The following NBEA variants were observed in gnomAD, a reference collection of about 807,000 sequenced individuals.
NBEA encodes lysosomal-trafficking regulator 2.
A neutral mutation model predicts 343.4 loss-of-function variants in NBEA; 44 were observed. The observed-to-expected ratio is 0.13, with a 90% confidence interval of 0.10 to 0.16. The LOEUF is 0.16. Among genes scored for constraint, NBEA ranks in the 10% least tolerant of loss-of-function variants. The probability of loss-of-function intolerance (pLI) is 1.00; values close to 1 mark genes in which losing one functional copy is unlikely to be tolerated. For missense variants in NBEA, 2,555 were observed against 3,631.3 expected, an observed-to-expected ratio of 0.70 and a Z score of 7.62; for synonymous variants, 1,175 against 1,238.7, an observed-to-expected ratio of 0.95 and a Z score of 1.08.
Position 35,159,035 on chromosome 13 carries a change from A to G in NBEA, c.2864A>G (p.Lys955Arg). ...AHSKVTYEAH[K>R]EYLAKMYEEY... ...CCTAAGGTCACTTATGAAGCTCATA[A>G]GGAATACCTAGCCAAAATGTATGAG... Residue 955 changes from lysine to arginine, a missense_variant, in exon 22 of 59, where the codon AAG becomes AGG. Transcript: ENST00000379939. 1.2e-6 allele frequency: 2 copies of G among 1,604,558 alleles called. No individual in the cohort carries two copies. Among genetic ancestry groups the G allele is most frequent in the South Asian group, 2.2e-5 (2 of 89,262 alleles).
intron 13 of NBEA, among the ~76,000 whole-genome samples, chr13:35,111,193 A>G (rs1259901558): frequency 6.6e-6 from 1 of 152,188 alleles, no homozygotes; most frequent in African/African-American, 2.4e-5. Context: ...AAGCAACAAT[A>G]GTCTTTATTT....
chr13:35,115,850 A>G lies in NBEA; in HGVS notation c.2003-1564A>G, dbSNP rs200027574. On this transcript the variant is annotated intron_variant, in intron 13 of 58. Transcript: ENST00000379939. The stretch of plus-strand genomic sequence containing the variant: ...CTATTTAATCCTCACAAGATGTCCT[A>G]TGACAAGCAGTATTATTATTCTTAC... Among the ~76,000 whole-genome samples, 10 of 152,340 alleles carry G rather than the reference A, an allele frequency of 6.6e-5. No homozygotes were observed. In the East Asian group the frequency reaches 1.3e-3, roughly 21 times the overall value.
At chr13:35,669,731 C>T (rs1478821149) in intron 58 of NBEA, among the ~76,000 whole-genome samples, 1 of 152,146 alleles carries the variant, frequency 6.6e-6, no homozygotes, top group Non-Finnish European at 1.5e-5. Flanking sequence ...TTGCTGCCAT[C>T]ATCATAGGTT....
rs780703650 is a variant in NBEA at position 35,593,442 on chromosome 13, G to T, written c.7291G>T (p.Val2431Leu). The T allele has an allele frequency of 6.2e-7, 1 of 1,602,626 alleles. No individual in the cohort carries two copies. Among genetic ancestry groups the T allele is most frequent in the African/African-American group, 1.3e-5 (1 of 74,216 alleles). ...WRTSQRDTSDVKELIPEFYYL... is the reference protein window; with the variant it reads ...WRTSQRDTSDLKELIPEFYYL... ...AACTAGTCAGAGAGATACTTCTGAT[G>T]TAAAGGTAGGCTCTTTTATTTGTTG... Residue 2431 changes from valine (V) to leucine (L), a missense_variant, in exon 47 of 59, where the codon GTA becomes TTA. Physicochemically the swap from Val to Leu is conservative, Grantham distance 32. Coordinates refer to ENST00000379939, the MANE Select transcript of NBEA (RefSeq NM_001385012.1).
intron 34 of NBEA, among the ~76,000 whole-genome samples, chr13:35,257,824 A>T (rs549734431): frequency 6.6e-6 from 1 of 152,284 alleles, no homozygotes; most frequent in African/African-American, 2.4e-5. Context: ...AACAAAAATA[A>T]ATTTAATGAA....
chr13:35,475,346 G>T lies in NBEA; in HGVS notation c.6585+2810G>T, dbSNP rs537270007. The T allele has an allele frequency of 1.1e-5, 17 of 1,614,030 alleles. No homozygotes were observed. In the South Asian group the frequency reaches 1.9e-4, roughly 18 times the overall value. On this transcript the variant is annotated intron_variant, in intron 41 of 58. Transcript: ENST00000379939. ...TGGTAATTGTTCAAGGGCTGGCCCG[G>T]CAGTTCAAGGTGACGATCCCTTAAG...
At chr13:35,176,609 G>A (rs1014993247) in intron 27 of NBEA, among the ~76,000 whole-genome samples, 1 of 151,930 alleles carries the variant, frequency 6.6e-6, no homozygotes, top group Non-Finnish European at 1.5e-5. Context: ...TCATATACTA[G>A]TGTAGTATAA....
intron 1 of NBEA, among the ~76,000 whole-genome samples, chr13:34,961,201 A>C (rs1408457701): frequency 6.6e-6 from 1 of 152,110 alleles, no homozygotes; most frequent in East Asian, 1.9e-4. Flanking sequence ...ATAAAATTTA[A>C]TAATTAGATG....
chr13:34,958,696 A>T (rs1194824600), intron 1 of NBEA, among the ~76,000 whole-genome samples: 2 of 152,132 alleles, frequency 1.3e-5, no homozygotes, highest in Non-Finnish European at 2.9e-5. Flanking sequence ...AAAATGAATA[A>T]GAGAAAAGGT....
At chr13:35,099,556 G>A in intron 11 of NBEA, among the ~76,000 whole-genome samples, 1 of 152,108 alleles carries the variant, frequency 6.6e-6, no homozygotes, top group South Asian at 2.1e-4. Context: ...TCTATATTTA[G>A]TATACATGAA....
At chr13:35,010,725 A>AC (rs2061457065) in intron 1 of NBEA, among the ~76,000 whole-genome samples, 3 of 5,520 alleles carry the variant, frequency 5.4e-4, no homozygotes, top group Admixed American at 2.5e-3. Context: ...CTGGGTCTCT[A>AC]CAAAAAAAAA....
At chr13:35,265,335 C>A (rs1376485526) in intron 34 of NBEA, among the ~76,000 whole-genome samples, 1 of 151,800 alleles carries the variant, frequency 6.6e-6, no homozygotes, top group East Asian at 1.9e-4. Context: ...TATCAAAATA[C>A]CAATGACATT....
At chr13:35,419,813 C>A (rs1033441881) in intron 38 of NBEA, among the ~76,000 whole-genome samples, 1 of 151,864 alleles carries the variant, frequency 6.6e-6, no homozygotes, top group African/African-American at 2.4e-5. Flanking sequence ...CCCAGAATAA[C>A]CTGAGGTGCA....
intron 7 of NBEA, among the ~76,000 whole-genome samples, chr13:35,057,649 A>G (rs1430589640): frequency 1.3e-5 from 2 of 152,110 alleles, no homozygotes; most frequent in African/African-American, 2.4e-5. Context: ...TCTGCTTTTT[A>G]TCTTCTCTCC....
At chr13:35,581,153 G>A (rs1333627645) in intron 45 of NBEA, among the ~76,000 whole-genome samples, 3 of 152,080 alleles carry the variant, frequency 2.0e-5, no homozygotes, top group African/African-American at 7.2e-5. Flanking sequence ...GGGATGGCTG[G>A]GTCAAATGGT....
At chr13:35,627,436 A>C (rs1358621795) in intron 48 of NBEA, among the ~76,000 whole-genome samples, 3 of 152,070 alleles carry the variant, frequency 2.0e-5, no homozygotes, top group African/African-American at 7.2e-5. Flanking sequence ...GGAAATAAAA[A>C]GGCCTTTTTT....
chr13:35,315,369 G>T (rs572157454), intron 36 of NBEA, among the ~76,000 whole-genome samples: 7 of 152,218 alleles, frequency 4.6e-5, no homozygotes, highest in Non-Finnish European at 8.8e-5. Context: ...TTATACACTG[G>T]ATCATTTAAA....
At chr13:35,263,090 A>G (rs2033348473) in intron 34 of NBEA, among the ~76,000 whole-genome samples, 1 of 152,188 alleles carries the variant, frequency 6.6e-6, no homozygotes, top group South Asian at 2.1e-4. Flanking sequence ...AAGGTACAGT[A>G]ATCAAAACAG....
In NBEA at chr13:35,581,885, A is replaced by T. The variant is rs1363070398; in HGVS notation, c.7036-2013A>T. Among the ~76,000 whole-genome samples, 5 of 53,898 alleles carry T rather than the reference A, an allele frequency of 9.3e-5. No homozygotes were observed. The East Asian group carries it at 2.0e-3, about 21-fold the overall frequency. The allele number at this position is 53,898 out of a possible 152,430, so 35.4% of individuals were successfully genotyped here. A position where few individuals can be genotyped will look rare whatever the true frequency, so the allele number is the denominator to read the frequency against. On this transcript the variant is annotated intron_variant, in intron 45 of 58. Transcript: ENST00000379939. Reference sequence around the variant, plus strand: ...GTACCCTAAAACTTAAAGTATAATTAAAAAAAAAAAAAAAGAAAAGAAAAA... The same window carrying T: ...GTACCCTAAAACTTAAAGTATAATTTAAAAAAAAAAAAAAGAAAAGAAAAA...
Sources: allele counts gnomAD v4.1 joint callset (sites outside exome capture counted in the v4.1 genomes callset), GRCh38; gene constraint gnomAD v4.1.1; transcripts MANE v1.5; gene names NCBI Gene and HGNC (gene_info 2026-07-23, HGNC 2026-07-21).